AK5: variants seen among roughly 807,000 people sequenced by gnomAD.
AK5 encodes the protein adenylate kinase 5, also known as adenylate kinase isoenzyme 5.
In AK5, 27 loss-of-function variants were observed where a neutral mutation model predicts 69.5. The observed-to-expected ratio is 0.39, with a 90% confidence interval of 0.29 to 0.54. The LOEUF is 0.54. Ranked by LOEUF, AK5 falls within the 20% of genes least tolerant of loss-of-function variation. The pLI, the probability that AK5 is intolerant of heterozygous loss-of-function variation, is 0.71. For missense variants in AK5, 531 were observed against 700.4 expected (o/e 0.76, Z 2.73); for synonymous variants, 260 against 244.4 (o/e 1.06, Z -0.60).
chr1:77,523,632 CTT>C (rs1322982132), intron 12 of AK5, among the ~76,000 whole-genome samples: 1 of 152,140 alleles, frequency 6.6e-6, no homozygotes, highest in African/African-American at 2.4e-5. Context: ...CTTGAGAACT[CTT>C]TTTATCTGCT....
chr1:77,370,250 C>T (rs1365746668), intron 6 of AK5, among the ~76,000 whole-genome samples: 1 of 152,188 alleles, frequency 6.6e-6, no homozygotes, highest in Non-Finnish European at 1.5e-5. Context: ...TCACCTCCAG[C>T]TCCGTGGAGA....
intron 6 of AK5, among the ~76,000 whole-genome samples, chr1:77,355,624 A>G (rs1031582321): frequency 3.3e-5 from 5 of 152,054 alleles, no homozygotes; most frequent in Non-Finnish European, 5.9e-5. Flanking sequence ...ATAACACCCC[A>G]TTTTGAGTCC....
intron 7 of AK5, among the ~76,000 whole-genome samples, chr1:77,411,802 T>A (rs1650063713): frequency 6.6e-6 from 1 of 152,142 alleles, no homozygotes; most frequent in Admixed American, 6.5e-5. Flanking sequence ...CTTAACATTT[T>A]AAATCACTAT....
rs1553139911 is a variant in AK5 at position 77,367,720 on chromosome 1, A to AAT, written c.891+27157_891+27158dup. ...TATATGTTATATATATGTTATATAT[A>AAT]ATATATGTTATATATACGTTATATG... is the stretch of plus-strand genomic sequence containing the variant. On this transcript the variant is annotated intron_variant, in intron 6 of 13. Transcript: ENST00000354567. 6.2e-5 allele frequency among the ~76,000 whole-genome samples: 4 copies of AAT among 64,464 alleles called. 1 individual carries two copies. The highest frequency in any genetic ancestry group is 2.1e-4 in the African/African-American group (3 of 14,270). 42.3% of individuals were successfully genotyped at this position (64,464 alleles called of 152,430 possible).
At chr1:77,328,495 CA>C (rs1378318869) in intron 5 of AK5, among the ~76,000 whole-genome samples, 1 of 140,332 alleles carries the variant, frequency 7.1e-6, no homozygotes. Flanking sequence ...GACTCCATCT[CA>C]AAAAAAAAGA....
intron 8 of AK5, among the ~76,000 whole-genome samples, chr1:77,447,613 T>A (rs535959493): frequency 5.9e-5 from 9 of 152,370 alleles, no homozygotes; most frequent in African/African-American, 2.2e-4. Flanking sequence ...GTGGCTTCTC[T>A]AACATCTTAT....
chr1:77,287,280 A>G (rs751139308), intron 2 of AK5, among the ~76,000 whole-genome samples, 153 bp downstream of exon 2: 5 of 152,214 alleles, frequency 3.3e-5, no homozygotes, highest in Non-Finnish European at 2.9e-5. Context: ...TACTAATTCT[A>G]ATCACTTCCA....
At chr1:77,300,216 T>C (rs746492171) in intron 5 of AK5, among the ~76,000 whole-genome samples, 3 of 152,204 alleles carry the variant, frequency 2.0e-5, no homozygotes, top group Non-Finnish European at 2.9e-5. Context: ...TTCTCTTATA[T>C]AGCCTAGTCA....
At chr1:77,449,273 TG>T (rs1223264992) in intron 8 of AK5, among the ~76,000 whole-genome samples, 4 of 152,128 alleles carry the variant, frequency 2.6e-5, no homozygotes, top group Non-Finnish European at 5.9e-5. Flanking sequence ...CCCAAGACCA[TG>T]GGAATCCACT....
intron 8 of AK5, among the ~76,000 whole-genome samples, chr1:77,476,643 G>C (rs1256375249): frequency 1.3e-5 from 2 of 152,078 alleles, no homozygotes; most frequent in African/African-American, 4.8e-5. Context: ...ACGCCAGCCG[G>C]GTCAGCCGGA....
intron 7 of AK5, among the ~76,000 whole-genome samples, chr1:77,412,946 T>C (rs1447357139): frequency 2.6e-5 from 4 of 152,118 alleles, no homozygotes; most frequent in African/African-American, 7.2e-5. Flanking sequence ...CACCAAACGC[T>C]TTGTCATTCC....
At chr1:77,545,849 T>C (rs919798564) in intron 13 of AK5, among the ~76,000 whole-genome samples, 3 of 152,170 alleles carry the variant, frequency 2.0e-5, no homozygotes, top group Non-Finnish European at 2.9e-5. Flanking sequence ...CCCTCCCTCC[T>C]GCTGGTGCAG....
At chr1:77,398,652 C>G (rs1648989093) in intron 6 of AK5, among the ~76,000 whole-genome samples, 1 of 152,178 alleles carries the variant, frequency 6.6e-6, no homozygotes. Context: ...GAGAACTGCA[C>G]AGTGTAATTC....
chr1:77,430,507 T>C (rs927602666), intron 8 of AK5, among the ~76,000 whole-genome samples: 1 of 152,226 alleles, frequency 6.6e-6, no homozygotes, highest in Admixed American at 6.5e-5. Flanking sequence ...AGGTCTGGTG[T>C]TCAGAGGAAA....
At chr1:77,368,254 A>ATGT (rs1647047481) in intron 6 of AK5, among the ~76,000 whole-genome samples, 21 of 36,600 alleles carry the variant, frequency 5.7e-4, no homozygotes, top group South Asian at 1.8e-3. Context: ...TATATATATA[A>ATGT]TATATATGTT....
intron 1 of AK5, 59 bp from the exon 2 acceptor site, chr1:77,286,878 TAAAG>T (rs1186199152): frequency 1.1e-5 from 11 of 1,029,580 alleles, no homozygotes; most frequent in East Asian, 3.3e-5. Context: ...TAAATTAAAT[TAAAG>T]AAAAAACAAA....
intron 5 of AK5, among the ~76,000 whole-genome samples, chr1:77,323,464 A>G (rs1052481657): frequency 7.9e-5 from 12 of 152,256 alleles, no homozygotes; most frequent in African/African-American, 2.9e-4. Flanking sequence ...ACATTAGAGC[A>G]AATTATTAGA....
At chr1:77,454,694 G>A (rs1017992522) in intron 8 of AK5, among the ~76,000 whole-genome samples, 5 of 152,108 alleles carry the variant, frequency 3.3e-5, no homozygotes, top group East Asian at 1.9e-4. Flanking sequence ...ACTTATACCC[G>A]CAGCTCTTCA....
intron 6 of AK5, among the ~76,000 whole-genome samples, chr1:77,406,709 A>C (rs1170390009): frequency 7.4e-6 from 1 of 135,532 alleles, no homozygotes; most frequent in Non-Finnish European, 1.6e-5. Context: ...GCTGAGGAAA[A>C]AAAAAAAACA....
Sources: gnomAD v4.1 joint callset for allele counts (sites outside exome capture counted in the v4.1 genomes callset) on GRCh38, gnomAD v4.1.1 for gene constraint, MANE v1.5 for transcripts, NCBI Gene and HGNC (gene_info 2026-07-23, HGNC 2026-07-21) for gene names.